The following RABGAP1L variants were observed in gnomAD, a reference collection of about 807,000 sequenced individuals.
RABGAP1L encodes the protein RAB GTPase activating protein 1 like, also known as rab GTPase-activating protein 1-like.
Under a neutral mutation model 137.7 loss-of-function variants are expected in RABGAP1L, and 63 were observed. The ratio of observed to expected loss-of-function variants is 0.46; its 90% CI spans 0.37 to 0.56. The LOEUF is 0.56. RABGAP1L is among the 20% of genes least tolerant of loss of function. The pLI, the probability that RABGAP1L is intolerant of heterozygous loss-of-function variation, is 0.00. For missense variants in RABGAP1L, 1,095 were observed against 1,244.0 expected, an observed-to-expected ratio of 0.88 and a Z score of 1.80; for synonymous variants, 431 against 433.7, an observed-to-expected ratio of 0.99 and a Z score of 0.08.
chr1:174,945,366 C>T (rs1414977225), intron 19 of RABGAP1L, among the ~76,000 whole-genome samples: 1 of 152,126 alleles, frequency 6.6e-6, no homozygotes, highest in East Asian at 1.9e-4. Flanking sequence ...TGGATTTCTA[C>T]TTGAGATTTA....
intron 19 of RABGAP1L, among the ~76,000 whole-genome samples, chr1:174,864,747 G>A (rs1650908727): frequency 6.6e-6 from 1 of 152,150 alleles, no homozygotes; most frequent in African/African-American, 2.4e-5. Context: ...CTGTTCAACT[G>A]CCCTGAAGTA....
At chr1:174,289,451 A>G (rs1378897327) in intron 10 of RABGAP1L, among the ~76,000 whole-genome samples, 2 of 152,144 alleles carry the variant, frequency 1.3e-5, no homozygotes, top group Non-Finnish European at 2.9e-5. Context: ...TAAGAGTATT[A>G]TTCTAAATTC....
intron 17 of RABGAP1L, among the ~76,000 whole-genome samples, chr1:174,719,744 G>A (rs1257976371): frequency 1.3e-5 from 2 of 152,200 alleles, no homozygotes; most frequent in African/African-American, 4.8e-5. Flanking sequence ...GCCAAATAGA[G>A]TGTATCATCA....
chr1:174,732,626 T>G (rs1682579580), intron 17 of RABGAP1L, among the ~76,000 whole-genome samples: 1 of 152,158 alleles, frequency 6.6e-6, no homozygotes, highest in Non-Finnish European at 1.5e-5. Flanking sequence ...TGTTCTCTAC[T>G]CTATTTTTTT....
chr1:174,450,233 AAAAT>A (rs1655276820), intron 13 of RABGAP1L, among the ~76,000 whole-genome samples: 1 of 152,256 alleles, frequency 6.6e-6, no homozygotes, highest in South Asian at 2.1e-4. Flanking sequence ...GCCCTTTTTA[AAAAT>A]AAATAAATAA....
intron 19 of RABGAP1L, among the ~76,000 whole-genome samples, chr1:174,865,833 C>T (rs1651108810): frequency 6.6e-6 from 1 of 152,064 alleles, no homozygotes. Flanking sequence ...AACATTTCAT[C>T]TACAATTGAC....
At chr1:174,446,675 C>T (rs1437351811) in intron 13 of RABGAP1L, among the ~76,000 whole-genome samples, 2 of 152,134 alleles carry the variant, frequency 1.3e-5, no homozygotes, top group African/African-American at 2.4e-5. Context: ...TGCAACCTAC[C>T]TAATGGCCCC....
intron 13 of RABGAP1L, among the ~76,000 whole-genome samples, chr1:174,411,180 G>T (rs1649885063): frequency 6.6e-6 from 1 of 152,118 alleles, no homozygotes; most frequent in Non-Finnish European, 1.5e-5. Context: ...CACATCATCA[G>T]TGAAGAGAGA....
chr1:174,349,625 G>A (rs1376911100), intron 11 of RABGAP1L, among the ~76,000 whole-genome samples: 62 of 135,740 alleles, frequency 4.6e-4, no homozygotes, highest in South Asian at 7.4e-4. Flanking sequence ...GCGGCTGGCC[G>A]GGTGGGGGGC....
At chr1:174,232,493 A>G (rs1270607397) in intron 4 of RABGAP1L, among the ~76,000 whole-genome samples, 4 of 151,148 alleles carry the variant, frequency 2.6e-5, no homozygotes, top group African/African-American at 9.7e-5. Context: ...ATTAAAAAAA[A>G]AAAAAAGTGG....
At chr1:174,596,852 A>G (rs994731710) in intron 13 of RABGAP1L, among the ~76,000 whole-genome samples, 1 of 152,026 alleles carries the variant, frequency 6.6e-6, no homozygotes, top group African/African-American at 2.4e-5. Context: ...TCTTTTCTAT[A>G]TGGCTTTTAT....
intron 11 of RABGAP1L, among the ~76,000 whole-genome samples, chr1:174,323,599 A>G (rs921798458): frequency 1.3e-5 from 2 of 152,054 alleles, no homozygotes; most frequent in African/African-American, 2.4e-5. Flanking sequence ...ATCTTCCACT[A>G]TTGTTTAGGG....
intron 19 of RABGAP1L, among the ~76,000 whole-genome samples, chr1:174,916,230 A>G (rs1660862717): frequency 6.6e-6 from 1 of 152,138 alleles, no homozygotes; most frequent in Admixed American, 6.5e-5. Context: ...TCAGATGACC[A>G]TAAGGGTTTA....
At chr1:174,505,015 G>T (rs1028757941) in intron 13 of RABGAP1L, among the ~76,000 whole-genome samples, 3 of 152,124 alleles carry the variant, frequency 2.0e-5, no homozygotes, top group African/African-American at 7.2e-5. Context: ...CAATTCAATT[G>T]TAAGAAAACA....
chr1:174,580,692 A>G (rs1668678611), intron 13 of RABGAP1L, among the ~76,000 whole-genome samples: 1 of 152,190 alleles, frequency 6.6e-6, no homozygotes. Flanking sequence ...GTGACGAGTT[A>G]ATGGGTGCAG....
intron 13 of RABGAP1L, among the ~76,000 whole-genome samples, chr1:174,458,485 C>G (rs1205272943): frequency 1.3e-5 from 2 of 151,994 alleles, no homozygotes; most frequent in African/African-American, 4.8e-5. Flanking sequence ...CTGATTCAGT[C>G]AGGCATCAGG....
chr1:174,910,708 A>C (rs190037837), intron 19 of RABGAP1L, among the ~76,000 whole-genome samples: 213 of 152,344 alleles, frequency 1.4e-3, no homozygotes, highest in Non-Finnish European at 2.7e-3. Context: ...CAAATTCAGT[A>C]AACTTGCAGC....
At chr1:174,703,570 T>G (rs1357279145) in intron 17 of RABGAP1L, among the ~76,000 whole-genome samples, 1 of 152,216 alleles carries the variant, frequency 6.6e-6, no homozygotes, top group Non-Finnish European at 1.5e-5. Flanking sequence ...AATCTTTTTT[T>G]ATACACTGAT....
At chr1:174,612,032 T>C (rs528727394) in intron 13 of RABGAP1L, among the ~76,000 whole-genome samples, 2 of 152,354 alleles carry the variant, frequency 1.3e-5, no homozygotes, top group Admixed American at 6.5e-5. Flanking sequence ...CTTTTCCTAA[T>C]TGAATACCCT....
Sources: allele counts gnomAD v4.1 joint callset (sites outside exome capture counted in the v4.1 genomes callset), GRCh38; gene constraint gnomAD v4.1.1; transcripts MANE v1.5; gene names NCBI Gene and HGNC (gene_info 2026-07-23, HGNC 2026-07-21).